CATSPERG: variants seen among roughly 807,000 people sequenced by gnomAD.
CATSPERG encodes the protein cation channel sperm-associated auxiliary subunit gamma.
CATSPERG carries 115 observed loss-of-function variants against 145.0 expected under a neutral mutation model. The ratio of observed to expected loss-of-function variants is 0.79; its 90% CI spans 0.68 to 0.93. The LOEUF is 0.93. Among genes scored for constraint, CATSPERG ranks in the 40% least tolerant of loss-of-function variants. CATSPERG has a pLI of 0.00. For missense variants in CATSPERG, 1,296 were observed against 1,490.1 expected (o/e 0.87, Z 2.14); for synonymous variants, 588 against 589.0 (o/e 1.00, Z 0.02).
In CATSPERG at chr19:38,344,409, C is replaced by T. The variant is rs977564358; in HGVS notation, c.669+41C>T. On this transcript the variant is annotated intron_variant, in intron 6 of 28. Coordinates refer to ENST00000409235, the MANE Select transcript of CATSPERG (RefSeq NM_021185.5). Reference sequence around the variant, plus strand: ...AGGGGAAAAAGACAATGGTCTGGGCCTTAGGCTGACGCCCTGGTTACTTCC... The same window carrying T: ...AGGGGAAAAAGACAATGGTCTGGGCTTTAGGCTGACGCCCTGGTTACTTCC... The T allele has an allele frequency of 5.3e-6, 8 of 1,511,340 alleles. No individual in the cohort carries two copies. The African/African-American group carries it at 6.9e-5, about 13-fold the overall frequency. 93.6% of individuals were successfully genotyped at this position (1,511,340 alleles called of 1,614,324 possible).
intron 6 of CATSPERG, 96 bp from the exon 7 acceptor site, chr19:38,346,354 G>A (rs1970041461): frequency 8.6e-7 from 1 of 1,161,798 alleles, no homozygotes; most frequent in East Asian, 2.8e-5. Flanking sequence ...AATCGCGTGG[G>A]GCCTTGTGGG....
chr19:38,369,969 C>G lies in CATSPERG; in HGVS notation c.3021-3C>G. On this transcript the variant is annotated splice_region_variant and splice_polypyrimidine_tract_variant and intron_variant, in intron 26 of 28. Transcript: ENST00000409235. Reference sequence around the variant, plus strand: ...GCACAACTGCCTGATCTTTGGCTTGCAGGTGGCTCTGTCTGGAGAATGCCC... The same window carrying G: ...GCACAACTGCCTGATCTTTGGCTTGGAGGTGGCTCTGTCTGGAGAATGCCC... The G allele has an allele frequency of 6.2e-7, 1 of 1,614,068 alleles. No individual in the cohort carries two copies.
At chr19:38,344,746 ACATACATATATAGTACATACC>A in intron 6 of CATSPERG, among the ~76,000 whole-genome samples, 2 of 114,664 alleles carry the variant, frequency 1.7e-5, no homozygotes, top group African/African-American at 2.9e-5. Flanking sequence ...ACATACCTGT[ACATACATATATAGTACATACC>A]TGTACATACA....
At chr19:38,363,509 T>A (rs1389532534) in intron 20 of CATSPERG, among the ~76,000 whole-genome samples, 1,403 of 137,990 alleles carry the variant, frequency 0.01, 16 homozygotes, top group Non-Finnish European at 9.3e-3. Flanking sequence ...TTTTTTTTTT[T>A]ATTGATCATT....
rs762957741 is a variant in CATSPERG, at chr19:38,359,500, A to G, written c.1527A>G (p.Ala509=). ...ACAAGGAAAACTTCATCTACCTGGCAGACTTCCCCAAGGAACTGTCCATCA... is the reference window on the plus strand; with the variant it reads ...ACAAGGAAAACTTCATCTACCTGGCGGACTTCCCCAAGGAACTGTCCATCA... ...SSNKENFIYL[A]DFPKELSIKY... is the part of the protein sequence containing the mutation. Residue 509 remains alanine, a synonymous_variant, in exon 14 of 29, where the codon GCA becomes GCG. Transcript: ENST00000409235. 3 of 1,613,770 alleles carry G rather than the reference A, an allele frequency of 1.9e-6. No homozygotes were observed. The highest frequency in any genetic ancestry group is 2.2e-5 in the South Asian group (2 of 91,082).
intron 7 of CATSPERG, among the ~76,000 whole-genome samples, chr19:38,351,722 C>T (rs901334351): frequency 6.6e-6 from 1 of 151,804 alleles, no homozygotes; most frequent in African/African-American, 2.4e-5. Flanking sequence ...GCCTGGGTAA[C>T]ATAGCGAGAC....
At chr19:38,342,333 C>T (rs1401235246) in intron 3 of CATSPERG, among the ~76,000 whole-genome samples, 1 of 152,052 alleles carries the variant, frequency 6.6e-6, no homozygotes, top group Non-Finnish European at 1.5e-5. Flanking sequence ...GGCCTGGTGG[C>T]TCATGCCTGT....
rs775707493 is a variant in CATSPERG at position 38,370,537 on chromosome 19, C to A, written c.3225C>A (p.Ser1075Arg). Residue 1075 changes from serine (S) to arginine (R), a missense_variant, in exon 29 of 29, where the codon AGC becomes AGA. By Grantham distance (110) the Ser-to-Arg change is moderately radical (BLOSUM62 -1). Transcript: ENST00000409235. Reference sequence around the variant, plus strand: ...TTTGCTCCCTGCAGGTGTCAGCTAGCGTGTTTGTGGGCCTGGTGATCTTCT... The same window carrying A: ...TTTGCTCCCTGCAGGTGTCAGCTAGAGTGTTTGTGGGCCTGGTGATCTTCT... ...RALFIIMVSA[S>R]VFVGLVIFYI... The A allele has an allele frequency of 3.1e-6, 5 of 1,614,066 alleles. No homozygotes were observed. Among genetic ancestry groups the A allele is most frequent in the Non-Finnish European group, 4.2e-6 (5 of 1,180,040 alleles).
At chr19:38,353,026 TCAAAAAA>T (rs1970173745) in intron 8 of CATSPERG, among the ~76,000 whole-genome samples, 2 of 73,976 alleles carry the variant, frequency 2.7e-5, no homozygotes, top group African/African-American at 5.1e-5. Flanking sequence ...AGACCCTGTT[TCAAAAAA>T]AAAAAAAAAA....
chr19:38,370,750 G>A lies in CATSPERG; in HGVS notation c.3438G>A (p.Arg1146=). 1 of 1,614,084 alleles carries A rather than the reference G, an allele frequency of 6.2e-7. No homozygotes were observed. The highest frequency in any genetic ancestry group is 2.2e-5 in the East Asian group (1 of 44,872). The change falls in exon 29 of 29, where the codon AGG becomes AGA. Residue 1146 remains arginine (R), a synonymous_variant. Coordinates refer to ENST00000409235, the MANE Select transcript of CATSPERG (RefSeq NM_021185.5). ...SMFSSRMTED[R]AEPKEAVERQ... ...TCAGCTCCAGGATGACAGAGGACAG[G>A]GCTGAACCCAAGGAAGCCGTGGAGA... is the stretch of plus-strand genomic sequence containing the variant.
In CATSPERG at chr19:38,344,036, G is replaced by A. The variant is rs772792008; in HGVS notation, c.513G>A (p.Thr171=). 2.0e-5 allele frequency: 31 copies of A among 1,551,248 alleles called. No individual in the cohort carries two copies. The South Asian group carries it at 2.5e-4, about 13-fold the overall frequency. The change falls in exon 5 of 29, where the codon ACG becomes ACA. Residue 171 remains threonine, a synonymous_variant. Transcript: ENST00000409235. ...AAGTGTGTAGCATGAGCTGGTACAC[G>A]CCCATGCCCATCAAGAAAGGCAGTG... ...AEEVCSMSWY[T]PMPIKKGSVV... is the part of the protein sequence containing the mutation.
At chr19:38,369,623 T>C (rs2145117489) in intron 26 of CATSPERG, 1 of 329,844 alleles carries the variant, frequency 3.0e-6, no homozygotes, top group South Asian at 2.9e-5. Context: ...ACTTTGTACC[T>C]AGTAAGTGCT....
At position 38,343,662 on chromosome 19, in the gene CATSPERG, T is replaced by A. The variant is rs907550847; in HGVS notation, c.407T>A (p.Phe136Tyr). ...VLVTFQSPVN[F>Y]YRWKIEQLQI... ...GTCACCTTCCAGTCCCCAGTCAACT[T>A]CTACCGCTGGAAGATAGAGCAGCTG... Residue 136 changes from phenylalanine (F) to tyrosine (Y), a missense_variant, in exon 4 of 29, where the codon TTC becomes TAC. By Grantham distance (22) the Phe-to-Tyr change is conservative. Coordinates refer to ENST00000409235, the MANE Select transcript of CATSPERG (RefSeq NM_021185.5). The A allele has an allele frequency of 1.7e-4, 268 of 1,551,400 alleles. No individual in the cohort carries two copies. The highest frequency in any genetic ancestry group is 2.3e-4 in the Non-Finnish European group (261 of 1,146,956).
chr19:38,336,659 G>A (rs895887555), intron 1 of CATSPERG: 17 of 241,960 alleles, frequency 7.0e-5, no homozygotes, highest in Non-Finnish European at 1.2e-4. Flanking sequence ...AAGAGGTTGG[G>A]GCACAGCCGG....
At chr19:38,336,851 G>A (rs1200652672) in intron 1 of CATSPERG, among the ~76,000 whole-genome samples, 1 of 151,916 alleles carries the variant, frequency 6.6e-6, no homozygotes, top group Non-Finnish European at 1.5e-5. Context: ...GCGGCGGGGC[G>A]GAACGAGGCG....
Position 38,367,764 on chromosome 19 carries a change from GC to G in CATSPERG, c.2923del (p.Leu975TrpfsTer61). ...GAGGACGAAATCTACCGCTTCAACA[GC>G]CCCCTGGACAAGTAATCCCCGTGGG... ...YSEDEIYRFN[S>X]PLDKTNSLIW... On this transcript the variant is annotated frameshift_variant, in exon 25 of 29. Coordinates refer to ENST00000409235, the MANE Select transcript of CATSPERG (RefSeq NM_021185.5). LOFTEE classifies it high-confidence loss of function. The G allele has an allele frequency of 6.2e-7, 1 of 1,613,942 alleles. No homozygotes were observed. Among genetic ancestry groups the G allele is most frequent in the Non-Finnish European group, 8.5e-7 (1 of 1,179,840 alleles).
At chr19:38,367,425 A>G (rs1970471124) in intron 23 of CATSPERG, 84 bp from the exon 24 acceptor site, 1 of 1,555,792 alleles carries the variant, frequency 6.4e-7, no homozygotes, top group Non-Finnish European at 8.8e-7. Context: ...TTCCTGCGGC[A>G]TCTCACTTTC....
intron 3 of CATSPERG, among the ~76,000 whole-genome samples, chr19:38,340,035 G>C (rs1447725615): frequency 2.0e-5 from 3 of 151,854 alleles, no homozygotes; most frequent in Non-Finnish European, 4.4e-5. Flanking sequence ...TTATATTTTA[G>C]TAGAGACAGG....
rs1414329903 is a variant in CATSPERG at position 38,352,328 on chromosome 19, A to G, written c.893A>G (p.Tyr298Cys). ...CATTCTGGCTTCACAGCCACCATCTATGACACTATTGCCACCGAGAGCACC... is the reference window on the plus strand; with the variant it reads ...CATTCTGGCTTCACAGCCACCATCTGTGACACTATTGCCACCGAGAGCACC... ...CPHSGFTATIYDTIATESTLF... is the reference protein window; with the variant it reads ...CPHSGFTATICDTIATESTLF... The change falls in exon 8 of 29, where the codon TAT (tyrosine) becomes TGT (cysteine). Residue 298 changes from tyrosine (Y) to cysteine (C), a missense_variant. Coordinates refer to ENST00000409235, the MANE Select transcript of CATSPERG (RefSeq NM_021185.5). The G allele has an allele frequency of 1.3e-6, 2 of 1,551,430 alleles. No individual in the cohort carries two copies. The highest frequency in any genetic ancestry group is 1.4e-5 in the African/African-American group (1 of 72,970).
Sources: gnomAD v4.1 joint callset for allele counts (sites outside exome capture counted in the v4.1 genomes callset) on GRCh38, gnomAD v4.1.1 for gene constraint, MANE v1.5 for transcripts, NCBI Gene and HGNC (gene_info 2026-07-23, HGNC 2026-07-21) for gene names.